PSMA8: variants seen among roughly 807,000 people sequenced by gnomAD.
PSMA8 encodes the protein proteasome subunit alpha-type 8.
Under a neutral mutation model 32.4 loss-of-function variants are expected in PSMA8, and 18 were observed. The observed-to-expected ratio is 0.56, with a 90% CI of 0.38 to 0.82. The LOEUF (loss-of-function observed/expected upper bound fraction) is 0.82, where lower values mean the gene tolerates loss of function less well. PSMA8 is among the 40% of genes least tolerant of loss of function. The pLI is 0.00. For synonymous variants in PSMA8, 104 were observed against 98.1 expected (o/e 1.06, Z -0.36); for missense variants, 298 against 300.7 (o/e 0.99, Z 0.07).
chr18:26,137,808 C>T (rs1271407892), intron 1 of PSMA8, among the ~76,000 whole-genome samples: 3 of 152,032 alleles, frequency 2.0e-5, no homozygotes, highest in Non-Finnish European at 2.9e-5. Flanking sequence ...TAAGAAAACC[C>T]GAATGAGTAT....
chr18:26,154,704 A>G (rs1360912719), intron 3 of PSMA8, among the ~76,000 whole-genome samples: 2 of 151,904 alleles, frequency 1.3e-5, no homozygotes, highest in African/African-American at 4.8e-5. Context: ...GCAACCTCCA[A>G]CTCCCTCGTT....
intron 4 of PSMA8, among the ~76,000 whole-genome samples, chr18:26,173,213 C>G (rs1323896119): frequency 6.6e-6 from 1 of 152,292 alleles, no homozygotes; most frequent in East Asian, 1.9e-4. Flanking sequence ...TTAACTCCTC[C>G]GTTGCTTTCC....
In PSMA8 at chr18:26,158,143, C is replaced by G; in HGVS notation, c.376C>G (p.Arg126Gly). 6 of 1,596,756 alleles carry G rather than the reference C, an allele frequency of 3.8e-6. No individual in the cohort carries two copies. The highest frequency in any genetic ancestry group is 4.3e-6 in the Non-Finnish European group (5 of 1,165,738). The change falls in exon 4 of 7, where the codon CGA (arginine) becomes GGA (glycine). Residue 126 changes from arginine (R) to glycine (G), a missense_variant. Arg to Gly is a moderately radical substitution (Grantham distance 125). Transcript: ENST00000415576. ...CTAGAAATATACCCAAAGCAATGGA[C>G]GAAGACCTTTTGGTATTTCTGCCTT... ...LKQKYTQSNGRRPFGISALIV... is the reference protein window; with the variant it reads ...LKQKYTQSNGGRPFGISALIV...
At chr18:26,188,276 T>TA (rs2144362182) in intron 6 of PSMA8, among the ~76,000 whole-genome samples, 1 of 148,314 alleles carries the variant, frequency 6.7e-6, no homozygotes, top group South Asian at 2.1e-4. Flanking sequence ...ACATATGGAA[T>TA]ACAGTGAAAG....
At chr18:26,167,845 A>AT (rs762830746) in intron 4 of PSMA8, among the ~76,000 whole-genome samples, 3,912 of 117,518 alleles carry the variant, frequency 0.033, 442 homozygotes, top group Admixed American at 0.042. Flanking sequence ...GGTCTGTGGT[A>AT]TTTTTTTTTT....
At chr18:26,173,816 A>C (rs2055243855) in intron 4 of PSMA8, among the ~76,000 whole-genome samples, 1 of 152,176 alleles carries the variant, frequency 6.6e-6, no homozygotes, top group Admixed American at 6.6e-5. Context: ...TCGGCCTCCC[A>C]AAGTGCTGGG....
rs776889806 is a variant in PSMA8, at chr18:26,144,659, A to T, written c.203A>T (p.Asp68Val). Residue 68 changes from aspartate to valine, a missense_variant, in exon 2 of 7, where the codon GAT (aspartate) becomes GTT (valine). Asp to Val is a radical substitution (Grantham distance 152). Transcript: ENST00000415576. The stretch of plus-strand genomic sequence containing the variant: ...ACTGTGAGGAAAATTTGTGCCCTTG[A>T]TGACCATGTCTGCATGGCTTTTGCA... Reference protein sequence around the residue: ...ERTVRKICALDDHVCMAFAGL... With the variant: ...ERTVRKICALVDHVCMAFAGL... 17 of 1,613,846 alleles carry T rather than the reference A, an allele frequency of 1.1e-5. No homozygotes were observed. The Admixed American group carries it at 2.8e-4, about 27-fold the overall frequency.
chr18:26,173,932 T>C lies in PSMA8; in HGVS notation c.478-4898T>C, dbSNP rs576742260. ...ATATACAAGGTGGTCATACGTTATT[T>C]AACAAATAAATGAATACTAGATAAT... On this transcript the variant is annotated intron_variant, in intron 4 of 6. Coordinates refer to ENST00000415576, the MANE Select transcript of PSMA8 (RefSeq NM_001025096.2). Among the ~76,000 whole-genome samples, 988 of 152,240 alleles carry C rather than the reference T, an allele frequency of 6.5e-3. 6 individuals are homozygous for C. Among genetic ancestry groups the C allele is most frequent in the Non-Finnish European group, 0.01 (710 of 68,030 alleles).
chr18:26,182,833 G>A (rs1598671241), intron 6 of PSMA8, among the ~76,000 whole-genome samples: 2 of 152,160 alleles, frequency 1.3e-5, no homozygotes, highest in African/African-American at 2.4e-5. Flanking sequence ...GCTCATGCCT[G>A]TAATCCCAGC....
In PSMA8 at chr18:26,178,860, G is replaced by A; in HGVS notation, c.508G>A (p.Val170Ile). 8 of 1,613,652 alleles carry A rather than the reference G, an allele frequency of 5.0e-6. No individual in the cohort carries two copies. Among genetic ancestry groups the A allele is most frequent in the Non-Finnish European group, 6.8e-6 (8 of 1,179,750 alleles). ...ANAIGRSAKT[V>I]REFLEKNYTE... ...TGCAATAGGCCGAAGTGCTAAAACTGTTCGAGAATTTCTAGAAAAGAATTA... is the reference window on the plus strand; with the variant it reads ...TGCAATAGGCCGAAGTGCTAAAACTATTCGAGAATTTCTAGAAAAGAATTA... The change falls in exon 5 of 7, where the codon GTT becomes ATT. Residue 170 changes from valine to isoleucine, a missense_variant. By Grantham distance (29) the Val-to-Ile change is conservative. Coordinates refer to ENST00000415576, the MANE Select transcript of PSMA8 (RefSeq NM_001025096.2).
At chr18:26,165,074 T>C (rs1336573364) in intron 4 of PSMA8, among the ~76,000 whole-genome samples, 1 of 151,918 alleles carries the variant, frequency 6.6e-6, no homozygotes, top group Non-Finnish European at 1.5e-5. Flanking sequence ...CCTGCCACCA[T>C]GCCAAGTTAA....
At chr18:26,140,243 TTGGCACCACA>T in intron 1 of PSMA8, 1 of 662,302 alleles carries the variant, frequency 1.5e-6, no homozygotes, top group Non-Finnish European at 2.7e-6. Flanking sequence ...GCAGGCTGGC[TTGGCACCACA>T]GGTGCCAGCC....
intron 2 of PSMA8, among the ~76,000 whole-genome samples, chr18:26,147,190 C>A: frequency 8.1e-6 from 1 of 123,014 alleles, no homozygotes; most frequent in African/African-American, 3.4e-5. Flanking sequence ...TACAGAGATC[C>A]AAACCATATC....
At chr18:26,183,540 A>G (rs998305510) in intron 6 of PSMA8, among the ~76,000 whole-genome samples, 1 of 150,966 alleles carries the variant, frequency 6.6e-6, no homozygotes, top group Non-Finnish European at 1.5e-5. Flanking sequence ...CAAGAGAACT[A>G]AAATTAGAAG....
chr18:26,136,425 T>C (rs904199335), intron 1 of PSMA8, among the ~76,000 whole-genome samples: 3 of 152,206 alleles, frequency 2.0e-5, no homozygotes, highest in Non-Finnish European at 4.4e-5. Flanking sequence ...ATCAAAGTCT[T>C]CCATAATCCT....
intron 4 of PSMA8, among the ~76,000 whole-genome samples, chr18:26,175,509 G>C (rs536693335): frequency 6.6e-6 from 1 of 152,282 alleles, no homozygotes; most frequent in South Asian, 2.1e-4. Flanking sequence ...AGTCAGTGTA[G>C]GCTGGCCCTG....
intron 1 of PSMA8, among the ~76,000 whole-genome samples, chr18:26,139,230 T>C (rs556596651): frequency 6.6e-6 from 1 of 152,338 alleles, no homozygotes; most frequent in African/African-American, 2.4e-5. Flanking sequence ...AGCTGCCGTG[T>C]TGAGTTGCCC....
chr18:26,179,296 G>GTT (rs36120364), intron 6 of PSMA8, among the ~76,000 whole-genome samples, 166 bp downstream of exon 6: 60 of 139,068 alleles, frequency 4.3e-4, no homozygotes, highest in Non-Finnish European at 2.4e-4. Context: ...TGTTTTTTGT[G>GTT]TTTTTTTTTT....
intron 6 of PSMA8, among the ~76,000 whole-genome samples, chr18:26,183,577 C>T (rs551680750): frequency 6.6e-6 from 1 of 150,706 alleles, no homozygotes; most frequent in East Asian, 2.0e-4. Context: ...AACTGAATTG[C>T]TGCAATCTTG....
Sources: allele counts gnomAD v4.1 joint callset (sites outside exome capture counted in the v4.1 genomes callset), GRCh38; gene constraint gnomAD v4.1.1; transcripts MANE v1.5; gene names NCBI Gene and HGNC (gene_info 2026-07-23, HGNC 2026-07-21).